Variants in CADM1 observed in about 807,000 individuals in gnomAD.
CADM1 encodes the protein TSLC-1.
Under a neutral mutation model 53.1 loss-of-function variants are expected in CADM1, and 15 were observed. The observed-to-expected ratio is 0.28, with a 90% CI of 0.19 to 0.44. CADM1 has a LOEUF of 0.44. CADM1 is among the 20% of genes least tolerant of loss of function. CADM1 has a pLI of 1.00. For synonymous variants in CADM1, 281 were observed against 243.0 expected, an observed-to-expected ratio of 1.16 and a Z score of -1.45; for missense variants, 434 against 611.3, an observed-to-expected ratio of 0.71 and a Z score of 3.06.
At chr11:115,218,110 C>T (rs1032035179) in intron 5 of CADM1, 119 bp from the exon 6 acceptor site, 2 of 709,794 alleles carry the variant, frequency 2.8e-6, no homozygotes, top group Non-Finnish European at 5.1e-6. Context: ...CCGATGCCTT[C>T]AGTAACACCC....
At chr11:115,274,997 T>A (rs1238359575) in intron 1 of CADM1, among the ~76,000 whole-genome samples, 1 of 152,188 alleles carries the variant, frequency 6.6e-6, no homozygotes, top group Admixed American at 6.5e-5. Context: ...GCAATCAGGA[T>A]TACATTTCAG....
chr11:115,428,307 T>G (rs1209095420), intron 1 of CADM1, among the ~76,000 whole-genome samples: 1 of 152,164 alleles, frequency 6.6e-6, no homozygotes, highest in Admixed American at 6.5e-5. Flanking sequence ...ACTACCCTAC[T>G]ACCATGTGGC....
At chr11:115,269,237 C>T (rs907806060) in intron 1 of CADM1, among the ~76,000 whole-genome samples, 2 of 152,036 alleles carry the variant, frequency 1.3e-5, no homozygotes, top group Non-Finnish European at 2.9e-5. Flanking sequence ...GATAGAGGCC[C>T]CAAGGGGTCA....
chr11:115,442,713 A>T (rs1768506611), intron 1 of CADM1, among the ~76,000 whole-genome samples: 1 of 152,218 alleles, frequency 6.6e-6, no homozygotes, highest in African/African-American at 2.4e-5. Flanking sequence ...TAATATTCCC[A>T]GTAAAGAGCT....
intron 1 of CADM1, among the ~76,000 whole-genome samples, chr11:115,262,038 C>CA (rs1293036267): frequency 6.6e-6 from 1 of 152,046 alleles, no homozygotes; most frequent in Non-Finnish European, 1.5e-5. Flanking sequence ...CTCGGCCTCC[C>CA]AAAGTGCTGG....
chr11:115,424,163 C>T (rs2135277281), intron 1 of CADM1, among the ~76,000 whole-genome samples: 1 of 152,332 alleles, frequency 6.6e-6, no homozygotes, highest in Middle Eastern at 3.4e-3. Context: ...GAAAGCAATT[C>T]TTCAAGATAG....
rs1456556423 is a variant in CADM1, at chr11:115,176,517, CCTT to C, written c.1370_1372del (p.Glu457del). The C allele has an allele frequency of 1.2e-6, 2 of 1,614,024 alleles. No homozygotes were observed. The highest frequency in any genetic ancestry group is 1.7e-5 in the Admixed American group (1 of 60,008). The stretch of plus-strand genomic sequence containing the variant: ...CTTTTCTTCGGAGTTGTTCTGTCCT[CCTT>C]CTGCATTGATTATAGCTGTGTCTGC... On this transcript the variant is annotated inframe_deletion, in exon 12 of 12. Transcript: ENST00000331581.
intron 1 of CADM1, among the ~76,000 whole-genome samples, chr11:115,370,149 A>G (rs575496037): frequency 2.6e-5 from 4 of 152,328 alleles, no homozygotes; most frequent in South Asian, 2.1e-4. Flanking sequence ...CTCTCTCCAG[A>G]CAAGTACAGG....
At chr11:115,372,498 G>T (rs888556420) in intron 1 of CADM1, among the ~76,000 whole-genome samples, 1 of 152,030 alleles carries the variant, frequency 6.6e-6, no homozygotes, top group Admixed American at 6.6e-5. Context: ...GTTCCATTTT[G>T]CATCATAAAT....
intron 5 of CADM1, among the ~76,000 whole-genome samples, chr11:115,218,404 G>A (rs1941275044): frequency 6.6e-6 from 1 of 152,118 alleles, no homozygotes; most frequent in African/African-American, 2.4e-5. Flanking sequence ...TTGTGACACT[G>A]CATGTTAATA....
chr11:115,281,712 T>G (rs754340036), intron 1 of CADM1, among the ~76,000 whole-genome samples: 3 of 152,174 alleles, frequency 2.0e-5, no homozygotes, highest in Non-Finnish European at 4.4e-5. Flanking sequence ...AAGGTACACC[T>G]TAAGTGGAAA....
chr11:115,476,975 TTAAAA>T (rs1949147250), intron 1 of CADM1, among the ~76,000 whole-genome samples: 1 of 152,110 alleles, frequency 6.6e-6, no homozygotes, highest in African/African-American at 2.4e-5. Flanking sequence ...ATGGTAAATC[TTAAAA>T]TAAATATAAT....
chr11:115,280,882 T>C (rs891695733), intron 1 of CADM1, among the ~76,000 whole-genome samples: 4 of 152,200 alleles, frequency 2.6e-5, no homozygotes, highest in Non-Finnish European at 5.9e-5. Flanking sequence ...AATTCTACCA[T>C]GAGAAGTGAC....
chr11:115,428,863 A>G (rs1008683345), intron 1 of CADM1, among the ~76,000 whole-genome samples: 7 of 152,276 alleles, frequency 4.6e-5, no homozygotes, highest in Middle Eastern at 3.4e-3. Flanking sequence ...ACATCGTACT[A>G]TGTTGCAATA....
chr11:115,223,299 T>A (rs73572151), intron 5 of CADM1, among the ~76,000 whole-genome samples: 1 of 152,308 alleles, frequency 6.6e-6, no homozygotes, highest in African/African-American at 2.4e-5. Context: ...ATTTAGCACT[T>A]CCGATGTGTC....
At chr11:115,402,159 CAAATGAT>C (rs1449406704) in intron 1 of CADM1, among the ~76,000 whole-genome samples, 4 of 152,082 alleles carry the variant, frequency 2.6e-5, no homozygotes, top group African/African-American at 9.7e-5. Context: ...AGCCAAAAGA[CAAATGAT>C]ATACTTGGAA....
chr11:115,430,158 T>C (rs944135314), intron 1 of CADM1, among the ~76,000 whole-genome samples: 2 of 152,138 alleles, frequency 1.3e-5, no homozygotes, highest in African/African-American at 4.8e-5. Flanking sequence ...GAGGAGAAGA[T>C]ACAAAAAAGT....
Position 115,308,132 on chromosome 11 carries a change from A to ACT in CADM1, c.125-67714_125-67713dup, listed in dbSNP as rs141588354. Among the ~76,000 whole-genome samples the ACT allele has an allele frequency of 1.6e-4, 21 of 131,190 alleles. 1 individual carries two copies. Among genetic ancestry groups the ACT allele is most frequent in the South Asian group, 1.5e-3 (5 of 3,314 alleles). 86.1% of individuals were successfully genotyped at this position (131,190 alleles called of 152,430 possible). A position where few individuals can be genotyped will look rare whatever the true frequency, so the allele number is the denominator to read the frequency against. ...AAAATGATTCCTGTAAAAGACACAA[A>ACT]CTCTCTCTCTGTGTGTGTGTGTGTG... On this transcript the variant is annotated intron_variant, in intron 1 of 11. Coordinates refer to ENST00000331581, the MANE Select transcript of CADM1 (RefSeq NM_001301043.2).
intron 1 of CADM1, among the ~76,000 whole-genome samples, chr11:115,495,953 T>G (rs1949601426): frequency 6.6e-6 from 1 of 152,186 alleles, no homozygotes; most frequent in Non-Finnish European, 1.5e-5. Flanking sequence ...CCTCTGACTG[T>G]GACCCTTAAA....
Sources: gnomAD v4.1 joint callset for allele counts (sites outside exome capture counted in the v4.1 genomes callset) on GRCh38, gnomAD v4.1.1 for gene constraint, MANE v1.5 for transcripts, NCBI Gene and HGNC (gene_info 2026-07-23, HGNC 2026-07-21) for gene names.